Variants in CCND3 observed in about 807,000 individuals in gnomAD.
The protein encoded by CCND3 is G1/S-specific cyclin-D3.
In CCND3, 9 loss-of-function variants were observed where a neutral mutation model predicts 28.7. The observed-to-expected ratio is 0.31, with a 90% CI of 0.19 to 0.55. The LOEUF (loss-of-function observed/expected upper bound fraction) is 0.55, where lower values mean the gene tolerates loss of function less well. Ranked by LOEUF, CCND3 falls within the 20% of genes least tolerant of loss-of-function variation. CCND3 has a pLI of 0.93. For missense variants in CCND3, 315 were observed against 385.8 expected (o/e 0.82, Z 1.54); for synonymous variants, 164 against 163.9 (o/e 1.00, Z 0.00).
Position 41,941,762 on chromosome 6 carries a change from G to T in CCND3, c.-113C>A. On this transcript the variant is annotated 5_prime_UTR_variant, in exon 1 of 5. Transcript: ENST00000372991. This position sits in a 1 kb window ranked among gnomAD's most constrained non-coding sequence, Gnocchi z 6.1. ...GCGCTGGCGCTGGCACTGCGCGGCG[G>T]ATCCCCAGCCCGCCCGCCGCCCGCG... 1 of 691,024 alleles carries T rather than the reference G, an allele frequency of 1.4e-6. No homozygotes were observed. The highest frequency in any genetic ancestry group is 1.9e-6 in the Non-Finnish European group (1 of 514,488). 42.8% of individuals were successfully genotyped at this position (691,024 alleles called of 1,614,324 possible).
intron 1 of CCND3, among the ~76,000 whole-genome samples, chr6:41,956,072 T>A (rs1776428573): frequency 1.3e-5 from 2 of 152,010 alleles, no homozygotes; most frequent in Non-Finnish European, 2.9e-5. Context: ...GGTGGGTGGA[T>A]CACAAAGTCA....
intron 1 of CCND3, among the ~76,000 whole-genome samples, chr6:42,033,396 G>A (rs148447776): frequency 0.05 from 7,657 of 151,666 alleles, 343 homozygotes; most frequent in African/African-American, 0.11. Flanking sequence ...GTTGCATTGA[G>A]CTGAGATCAC....
At chr6:42,013,419 T>A (rs1763397460) in intron 1 of CCND3, among the ~76,000 whole-genome samples, 1 of 152,210 alleles carries the variant, frequency 6.6e-6, no homozygotes. Flanking sequence ...ATTGCTAGAA[T>A]GTAAGCTATA....
At chr6:41,988,946 G>C (rs967342435) in intron 1 of CCND3, among the ~76,000 whole-genome samples, 1 of 151,578 alleles carries the variant, frequency 6.6e-6, no homozygotes, top group African/African-American at 2.4e-5. Flanking sequence ...TGATCCGCCC[G>C]CCTCGGCCTC....
intron 1 of CCND3, among the ~76,000 whole-genome samples, chr6:41,979,239 T>C (rs1762265326): frequency 7.0e-6 from 1 of 143,588 alleles, no homozygotes; most frequent in Admixed American, 7.0e-5. Context: ...CTTTTAAAAA[T>C]ATTCAAAATA....
intron 1 of CCND3, among the ~76,000 whole-genome samples, chr6:41,965,414 G>T (rs1761862599): frequency 1.3e-5 from 2 of 152,052 alleles, no homozygotes; most frequent in African/African-American, 4.8e-5. Flanking sequence ...CGCCCAGCTA[G>T]GATGTGAACT....
upstream of CCND3, chr6:41,941,891 C>T: frequency 4.5e-6 from 1 of 223,324 alleles, no homozygotes; most frequent in Non-Finnish European, 8.7e-6. The surrounding 1 kb of genome is among the most constrained non-coding windows in gnomAD (Gnocchi z 6.1). Context: ...CTGCGGCGCC[C>T]CGGACGGAAA....
intron 1 of CCND3, among the ~76,000 whole-genome samples, chr6:42,001,192 G>A (rs138329446): frequency 0.014 from 1,702 of 120,576 alleles, 37 homozygotes; most frequent in African/African-American, 0.052. Flanking sequence ...CCCAGATCAC[G>A]CCACTGCACT....
rs531261318 is a variant in CCND3, at chr6:42,038,852, C to T, written c.-46+9649G>A. 3.3e-5 allele frequency among the ~76,000 whole-genome samples: 5 copies of T among 152,294 alleles called. No individual in the cohort carries two copies. In the South Asian group the frequency reaches 8.3e-4, roughly 25 times the overall value. ...TCTTCTTTTATCTCCTCAAATGGCA[C>T]CTTTGAGAAGAAATTCCTGGTTAAC... On this transcript the variant is annotated intron_variant, in intron 1 of 4. Coordinates refer to the CCND3 transcript ENST00000372988.
chr6:42,001,350 C>T (rs989189866), intron 1 of CCND3, among the ~76,000 whole-genome samples: 1 of 151,594 alleles, frequency 6.6e-6, no homozygotes, highest in Non-Finnish European at 1.5e-5. Context: ...CTAGAAACAT[C>T]CCAAATGTCT....
intron 1 of CCND3, among the ~76,000 whole-genome samples, chr6:42,004,120 G>C (rs1370756228): frequency 6.9e-6 from 1 of 145,310 alleles, no homozygotes; most frequent in African/African-American, 2.6e-5. Context: ...TCCTGAGACA[G>C]AGTCTCACTA....
intron 1 of CCND3, among the ~76,000 whole-genome samples, chr6:42,003,525 C>CAAAAAAAAA (rs61494473): frequency 1.2e-4 from 9 of 73,498 alleles, no homozygotes; most frequent in African/African-American, 6.4e-4. Context: ...GACTCTGTCT[C>CAAAAAAAAA]AAAAAAAAAA....
intron 1 of CCND3, among the ~76,000 whole-genome samples, chr6:41,985,920 C>G (rs141521552): frequency 0.68 from 76,598 of 113,184 alleles, 26,167 homozygotes; most frequent in Admixed American, 0.72. Context: ...TGAGCCACCG[C>G]GCCCGGCCCA....
At position 41,941,059 on chromosome 6, in the gene CCND3, G is replaced by A. The variant is rs1775996046; in HGVS notation, c.198+393C>T. 1 of 1,589,498 alleles carries A rather than the reference G, an allele frequency of 6.3e-7. No homozygotes were observed. Among genetic ancestry groups the A allele is most frequent in the Non-Finnish European group, 8.6e-7 (1 of 1,166,560 alleles). ...CCATCGCCTTCCCCGCCAGAACCCC[G>A]CGAAAGACACAGGAACCGGCTCCCG... On this transcript the variant is annotated intron_variant, in intron 1 of 4. Transcript: ENST00000372991. The surrounding 1 kb of genome is among the most constrained non-coding windows in gnomAD (Gnocchi z 6.1).
Position 41,935,342 on chromosome 6 carries a change from C to G in CCND3, c.*598G>C, listed in dbSNP as rs1242455357. 1.3e-5 allele frequency: 3 copies of G among 235,208 alleles called. No homozygotes were observed. Among genetic ancestry groups the G allele is most frequent in the Non-Finnish European group, 2.5e-5 (3 of 119,230 alleles). 14.6% of individuals were successfully genotyped at this position (235,208 alleles called of 1,614,324 possible). ...TTCAGCAGCAAAGCTGTCAATCACA[C>G]AGGAGAAGCTGAGCAGAAAGCAAAG... is the stretch of plus-strand genomic sequence containing the variant. On this transcript the variant is annotated 3_prime_UTR_variant, in exon 5 of 5. Transcript: ENST00000372991.
intron 2 of CCND3, among the ~76,000 whole-genome samples, chr6:41,940,133 C>CT (rs1208064002): frequency 6.6e-6 from 1 of 152,176 alleles, no homozygotes; most frequent in Non-Finnish European, 1.5e-5. Flanking sequence ...GTGGCATCCC[C>CT]TGGAGGTCAG....
intron 1 of CCND3, among the ~76,000 whole-genome samples, chr6:42,028,386 A>C (rs1349472488): frequency 6.6e-6 from 1 of 152,204 alleles, no homozygotes; most frequent in Non-Finnish European, 1.5e-5. Flanking sequence ...TGGAGAGCAC[A>C]GCTGTGCTAT....
At chr6:41,956,356 G>C (rs1046963293) in intron 1 of CCND3, among the ~76,000 whole-genome samples, 1 of 152,188 alleles carries the variant, frequency 6.6e-6, no homozygotes, top group Admixed American at 6.5e-5. Flanking sequence ...AAACATGCCA[G>C]TTCAGTGGGC....
intron 1 of CCND3, among the ~76,000 whole-genome samples, chr6:42,028,436 C>T (rs917479451): frequency 9.9e-5 from 15 of 152,246 alleles, no homozygotes; most frequent in African/African-American, 3.4e-4. Context: ...CTGTGCCCAT[C>T]TCATTTTTGT....
Sources: allele counts gnomAD v4.1 joint callset (sites outside exome capture counted in the v4.1 genomes callset), GRCh38; gene constraint gnomAD v4.1.1; non-coding constraint Gnocchi (gnomAD v3.1); transcripts MANE v1.5; gene names NCBI Gene and HGNC (gene_info 2026-07-23, HGNC 2026-07-21).